The following RNF130 variants were observed in gnomAD, a reference collection of about 807,000 sequenced individuals.
RNF130 encodes E3 ubiquitin-protein ligase RNF130.
RNF130 carries 21 observed loss-of-function variants against 44.6 expected under a neutral mutation model. The ratio of observed to expected loss-of-function variants is 0.47; its 90% confidence interval spans 0.33 to 0.68. RNF130 has a LOEUF of 0.68. Ranked by LOEUF, RNF130 falls within the 30% of genes least tolerant of loss-of-function variation. The pLI, the probability that RNF130 is intolerant of heterozygous loss-of-function variation, is 0.02. For missense variants in RNF130, 479 were observed against 560.6 expected (o/e 0.85, Z 1.47); for synonymous variants, 214 against 210.4 (o/e 1.02, Z -0.15).
chr5:180,006,045 G>A (rs1763456050), intron 3 of RNF130, among the ~76,000 whole-genome samples: 1 of 152,100 alleles, frequency 6.6e-6, no homozygotes, highest in Non-Finnish European at 1.5e-5. Context: ...AAAATGGCAG[G>A]ACATGAAAAA....
chr5:179,928,484 G>T (rs1022650749), intron 7 of RNF130, among the ~76,000 whole-genome samples: 1 of 152,026 alleles, frequency 6.6e-6, no homozygotes, highest in African/African-American at 2.4e-5. Context: ...TTGTGTATCT[G>T]GTTCGCTCTG....
At chr5:180,043,665 T>C (rs1228335781) in intron 1 of RNF130, among the ~76,000 whole-genome samples, 1 of 152,132 alleles carries the variant, frequency 6.6e-6, no homozygotes, top group Non-Finnish European at 1.5e-5. Flanking sequence ...TCAAACATAC[T>C]GCAGGAGGAC....
intron 3 of RNF130, among the ~76,000 whole-genome samples, chr5:179,995,073 G>C (rs1763173115): frequency 6.6e-6 from 1 of 152,180 alleles, no homozygotes. Flanking sequence ...CAGGGATCTA[G>C]GGACAGTTGC....
At position 180,044,346 on chromosome 5, in the gene RNF130, AT is replaced by A. The variant is rs550997923; in HGVS notation, c.248-3700del. Among the ~76,000 whole-genome samples the A allele has an allele frequency of 4.4e-4, 67 of 150,788 alleles. 1 individual carries two copies. The highest frequency in any genetic ancestry group is 2.2e-4 in the Non-Finnish European group (15 of 67,608). ...ACAAAATATTTTACTACAGAACTTA[AT>A]TTTTTTTTTCCTCTAGGGCTTTTTC... On this transcript the variant is annotated intron_variant, in intron 1 of 8. Coordinates refer to ENST00000521389, the MANE Select transcript of RNF130 (RefSeq NM_018434.6).
chr5:179,947,835 C>T (rs142120412), intron 7 of RNF130, among the ~76,000 whole-genome samples: 163 of 152,234 alleles, frequency 1.1e-3, no homozygotes, highest in African/African-American at 3.7e-3. Context: ...TATACCTACA[C>T]AATATGCTAT....
chr5:180,000,600 T>G (rs1336079028), intron 3 of RNF130, among the ~76,000 whole-genome samples: 1 of 152,214 alleles, frequency 6.6e-6, no homozygotes, highest in African/African-American at 2.4e-5. Context: ...TCTTTTTTTT[T>G]GTCTCTGACT....
At chr5:179,922,988 A>G (rs1761655992) in intron 7 of RNF130, among the ~76,000 whole-genome samples, 1 of 152,174 alleles carries the variant, frequency 6.6e-6, no homozygotes, top group African/African-American at 2.4e-5. Context: ...ATTTCCTCCC[A>G]GTCTGTGACT....
At chr5:179,975,278 G>A (rs1762692880) in intron 5 of RNF130, among the ~76,000 whole-genome samples, 1 of 152,248 alleles carries the variant, frequency 6.6e-6, no homozygotes, top group South Asian at 2.1e-4. Context: ...GCTGGGGTGA[G>A]GCTTGAAGAG....
chr5:180,013,442 A>G, intron 2 of RNF130, 131 bp from the exon 3 acceptor site: 1 of 778,274 alleles, frequency 1.3e-6, no homozygotes, highest in Non-Finnish European at 2.0e-6. Context: ...TCCACTTCTC[A>G]ACTGAAATGT....
In RNF130 at chr5:180,071,465, G is replaced by C; in HGVS notation, c.238C>G (p.Leu80Val). 1 of 1,244,492 alleles carries C rather than the reference G, an allele frequency of 8.0e-7. No individual in the cohort carries two copies. Among genetic ancestry groups the C allele is most frequent in the East Asian group, 3.2e-5 (1 of 31,628 alleles). The allele number at this position is 1,244,492 out of a possible 1,614,324, so 77.1% of individuals were successfully genotyped here. A position where few individuals can be genotyped will look rare whatever the true frequency, so the allele number is the denominator to read the frequency against. ...VRGQVLAPLPLHGVADHLGCD... is the reference protein window; with the variant it reads ...VRGQVLAPLPVHGVADHLGCD... Reference sequence around the variant, plus strand: ...CCGGGCCGGCACTCACCTCCGTGGAGGGGCAGCGGCGCCAGCACCTGGCCG... The same window carrying C: ...CCGGGCCGGCACTCACCTCCGTGGACGGGCAGCGGCGCCAGCACCTGGCCG... The change falls in exon 1 of 9, where the codon CTC becomes GTC. Residue 80 changes from leucine (L) to valine (V), a missense_variant. Physicochemically the swap from Leu to Val is conservative, Grantham distance 32 (BLOSUM62 1). This residue lies in a region of RNF130 where 138 missense variants were observed against 126.9 expected (regional missense o/e 1.09). Coordinates refer to ENST00000521389, the MANE Select transcript of RNF130 (RefSeq NM_018434.6).
chr5:179,961,818 TAA>T (rs1762335847), intron 8 of RNF130, among the ~76,000 whole-genome samples: 1 of 152,112 alleles, frequency 6.6e-6, no homozygotes. Context: ...CAGAAGAAAT[TAA>T]ATTCACTTCC....
At chr5:180,034,093 CT>C (rs34870362) in intron 2 of RNF130, among the ~76,000 whole-genome samples, 556 of 145,272 alleles carry the variant, frequency 3.8e-3, no homozygotes, top group Non-Finnish European at 5.4e-3. Flanking sequence ...GTGTTAAATG[CT>C]TTTTTTTTTT....
rs1398726222 is a variant in RNF130 at position 179,967,899 on chromosome 5, G to GT, written c.946-890dup. ...TTAGGCTCACACCCAGTTAAAAGAGGTTTTTTTATGTTCATTACATTTAAG... is the reference window on the plus strand; with the variant it reads ...TTAGGCTCACACCCAGTTAAAAGAGGTTTTTTTTATGTTCATTACATTTAAG... On this transcript the variant is annotated intron_variant, in intron 6 of 8. Transcript: ENST00000521389. Among the ~76,000 whole-genome samples, 6 of 152,286 alleles carry GT rather than the reference G, an allele frequency of 3.9e-5. No homozygotes were observed. The East Asian group carries it at 9.6e-4, about 24-fold the overall frequency.
chr5:179,940,541 T>C (rs1315569076), intron 7 of RNF130, among the ~76,000 whole-genome samples: 1 of 152,164 alleles, frequency 6.6e-6, no homozygotes, highest in Non-Finnish European at 1.5e-5. Context: ...CCGGCCCAAA[T>C]TGTTCACTTT....
intron 3 of RNF130, 176 bp from the exon 4 acceptor site, chr5:179,980,376 G>A: frequency 1.7e-6 from 1 of 574,224 alleles, no homozygotes; most frequent in Non-Finnish European, 3.1e-6. Flanking sequence ...TCAGCATTCT[G>A]GTTGAAAAGT....
chr5:180,047,168 A>C (rs1764585003), intron 1 of RNF130, among the ~76,000 whole-genome samples: 1 of 152,204 alleles, frequency 6.6e-6, no homozygotes. Flanking sequence ...GAATTAGATT[A>C]TAATTTCTTT....
intron 7 of RNF130, among the ~76,000 whole-genome samples, chr5:179,945,234 CACT>C (rs1291016288): frequency 1.3e-5 from 2 of 152,158 alleles, no homozygotes; most frequent in African/African-American, 2.4e-5. Flanking sequence ...CCTTTCCCTC[CACT>C]ACGATGAGCA....
intron 1 of RNF130, among the ~76,000 whole-genome samples, chr5:180,048,691 T>C (rs940057945): frequency 6.6e-6 from 1 of 152,128 alleles, no homozygotes; most frequent in African/African-American, 2.4e-5. Context: ...TATTTTGCGG[T>C]GAAGAATTCA....
rs544140461 is a variant in RNF130, at chr5:180,053,921, C to T, written c.248-13274G>A. On this transcript the variant is annotated intron_variant, in intron 1 of 8. Coordinates refer to ENST00000521389, the MANE Select transcript of RNF130 (RefSeq NM_018434.6). ...CTCGGCTCACTGCAACCTCTGCCTC[C>T]CAGGTTCAAGCGATTCTCCTGCTTT... Among the ~76,000 whole-genome samples, 51 of 151,872 alleles carry T rather than the reference C, an allele frequency of 3.4e-4. 1 individual carries two copies. The South Asian group carries it at 0.011, about 32-fold the overall frequency.
Sources: gnomAD v4.1 joint callset for allele counts (sites outside exome capture counted in the v4.1 genomes callset) on GRCh38, gnomAD v4.1.1 for gene constraint, gnomAD v4.1.1 regional missense constraint, MANE v1.5 for transcripts, NCBI Gene and HGNC (gene_info 2026-07-23, HGNC 2026-07-21) for gene names.